Variants in ZNF512 observed in about 807,000 individuals in gnomAD.
The protein encoded by ZNF512 is zinc finger protein 512.
A neutral mutation model predicts 77.5 loss-of-function variants in ZNF512; 25 were observed. The observed-to-expected ratio is 0.32, with a 90% CI of 0.23 to 0.45. The LOEUF (loss-of-function observed/expected upper bound fraction) is 0.45. Among genes scored for constraint, ZNF512 ranks in the 20% least tolerant of loss-of-function variants. The pLI is 1.00. For missense variants in ZNF512, 483 were observed against 692.6 expected, an observed-to-expected ratio of 0.70 and a Z score of 3.40; for synonymous variants, 246 against 239.9, an observed-to-expected ratio of 1.03 and a Z score of -0.24.
intron 1 of ZNF512, 135 bp downstream of exon 1, chr2:27,583,277 C>A: frequency 1.4e-6 from 2 of 1,387,010 alleles, no homozygotes; most frequent in South Asian, 1.2e-5. Flanking sequence ...TAGATCAGAT[C>A]ACCTGTCCCT....
chr2:27,614,023 A>C (rs758493925), intron 10 of ZNF512, among the ~76,000 whole-genome samples: 22 of 152,194 alleles, frequency 1.4e-4, no homozygotes, highest in Non-Finnish European at 2.2e-4. Flanking sequence ...CTAAATGCTT[A>C]TAAATAAAGC....
chr2:27,605,096 G>T (rs1370604675), intron 9 of ZNF512, among the ~76,000 whole-genome samples: 1 of 152,032 alleles, frequency 6.6e-6, no homozygotes, highest in African/African-American at 2.4e-5. Flanking sequence ...CTGCTTACCA[G>T]TTGAAGAACA....
At position 27,622,291 on chromosome 2, in the gene ZNF512, A is replaced by G. The variant is rs1337284399; in HGVS notation, c.*830A>G. 6.6e-6 allele frequency: 1 copy of G among 152,660 alleles called. No individual in the cohort carries two copies. The allele number at this position is 152,660 out of a possible 1,614,324, so 9.5% of individuals were successfully genotyped here. A position where few individuals can be genotyped will look rare whatever the true frequency, so the allele number is the denominator to read the frequency against. ...TGCTTCTTTGGTTTTAAGAATTGAG[A>G]AATATCACATTGCCCCTGATGTTTT... On this transcript the variant is annotated 3_prime_UTR_variant, in exon 14 of 14. Coordinates refer to ENST00000355467, the MANE Select transcript of ZNF512 (RefSeq NM_032434.4).
Position 27,621,162 on chromosome 2 carries a change from G to A in ZNF512, c.1405G>A (p.Val469Ile), listed in dbSNP as rs201647456. 350 of 1,613,598 alleles carry A rather than the reference G, an allele frequency of 2.2e-4. No individual in the cohort carries two copies. The highest frequency in any genetic ancestry group is 3.2e-4 in the Admixed American group (19 of 59,876). Residue 469 changes from valine (V) to isoleucine (I), a missense_variant, in exon 14 of 14, where the codon GTT becomes ATT. Physicochemically the swap from Val to Ile is conservative, Grantham distance 29. Coordinates refer to ENST00000355467, the MANE Select transcript of ZNF512 (RefSeq NM_032434.4). ...INSVHAEDWF[V>I]VNPTTTKSFE... ...TATTTTGCCTCTCTAGGACTGGTTC[G>A]TTGTAAACCCAACAACAACCAAAAG...
intron 2 of ZNF512, among the ~76,000 whole-genome samples, chr2:27,584,695 T>A (rs1346585630): frequency 6.6e-6 from 1 of 152,214 alleles, no homozygotes; most frequent in Admixed American, 6.5e-5. Context: ...TGAGGAATCA[T>A]GCAGTTAGTG....
At chr2:27,617,619 G>C in intron 13 of ZNF512, 48 bp downstream of exon 13, 4 of 795,124 alleles carry the variant, frequency 5.0e-6, no homozygotes, top group Non-Finnish European at 9.2e-6. Context: ...CCACAAGAGA[G>C]GTAGACTTTG....
chr2:27,608,320 T>A (rs1389048555), intron 10 of ZNF512, among the ~76,000 whole-genome samples: 2 of 152,200 alleles, frequency 1.3e-5, no homozygotes, highest in Admixed American at 6.5e-5. Context: ...TGTGTTTTTG[T>A]TTTGCTAGGT....
rs184748992 is a variant in ZNF512, at chr2:27,588,774, G to A, written c.89+5058G>A. 2.7e-5 allele frequency among the ~76,000 whole-genome samples: 4 copies of A among 150,388 alleles called. No individual in the cohort carries two copies. In the East Asian group the frequency reaches 5.8e-4, roughly 22 times the overall value. On this transcript the variant is annotated intron_variant, in intron 2 of 13. Coordinates refer to ENST00000355467, the MANE Select transcript of ZNF512 (RefSeq NM_032434.4). ...AAAAGAAGCTTGCTGAGTATTGATT[G>A]GTATTATATTGAATCTATAGATTCC...
chr2:27,591,711 A>C (rs1018070219), intron 2 of ZNF512, among the ~76,000 whole-genome samples: 3 of 152,156 alleles, frequency 2.0e-5, no homozygotes, highest in Non-Finnish European at 2.9e-5. Context: ...GCCCAGCCTT[A>C]AAATTATTTT....
At chr2:27,592,262 A>G (rs1358983150) in intron 2 of ZNF512, among the ~76,000 whole-genome samples, 1 of 152,060 alleles carries the variant, frequency 6.6e-6, no homozygotes, top group Non-Finnish European at 1.5e-5. Flanking sequence ...AAGTGCTGGG[A>G]TTACAGGCTT....
At chr2:27,616,346 C>G (rs545872867) in intron 12 of ZNF512, 22 bp downstream of exon 12, 1 of 1,591,612 alleles carries the variant, frequency 6.3e-7, no homozygotes, top group African/African-American at 1.3e-5. Flanking sequence ...TTTAAACTTA[C>G]TATCTTAACA....
chr2:27,599,493 T>C (rs1672022703), intron 3 of ZNF512, 90 bp from the exon 4 acceptor site: 4 of 915,638 alleles, frequency 4.4e-6, no homozygotes, highest in Non-Finnish European at 7.0e-6. Context: ...TTCCTTTTGA[T>C]GGTCTTGTGA....
chr2:27,584,455 G>A (rs1671244079), intron 2 of ZNF512, among the ~76,000 whole-genome samples: 2 of 152,242 alleles, frequency 1.3e-5, no homozygotes, highest in Non-Finnish European at 2.9e-5. Flanking sequence ...TCATTCAGGT[G>A]ACATTTACTA....
At chr2:27,584,157 T>G (rs1308775295) in intron 2 of ZNF512, among the ~76,000 whole-genome samples, 5 of 151,910 alleles carry the variant, frequency 3.3e-5, no homozygotes, top group Admixed American at 6.6e-5. Context: ...GGTCTAAGTC[T>G]AGTGTGTGGG....
At chr2:27,613,752 G>A (rs973789110) in intron 10 of ZNF512, among the ~76,000 whole-genome samples, 2 of 151,992 alleles carry the variant, frequency 1.3e-5, no homozygotes, top group Non-Finnish European at 1.5e-5. Context: ...TGTTGTTCAA[G>A]GGTCAACTGT....
chr2:27,614,153 G>T lies in ZNF512; in HGVS notation c.1132-1015G>T, dbSNP rs192375905. ...TTATGGGCTTTGGGTGTGTTTTTTT[G>T]TCGCAGAGAATCAGCTTCTTTTCAG... On this transcript the variant is annotated intron_variant, in intron 10 of 13. Transcript: ENST00000355467. 6.9e-4 allele frequency among the ~76,000 whole-genome samples: 104 copies of T among 151,762 alleles called. 1 individual carries two copies. In the East Asian group the frequency reaches 9.3e-3, roughly 14 times the overall value.
At chr2:27,587,690 A>AT (rs963630234) in intron 2 of ZNF512, among the ~76,000 whole-genome samples, 1 of 107,412 alleles carries the variant, frequency 9.3e-6, no homozygotes, top group Non-Finnish European at 2.1e-5. Flanking sequence ...TTTTTATTTT[A>AT]TTTTTTTTGA....
rs6547734 is a variant in ZNF512, at chr2:27,608,123, G to T, written c.1131+84G>T. The T allele has an allele frequency of 0.52, 660,894 of 1,275,130 alleles. 175,957 individuals are homozygous for T. Among genetic ancestry groups the T allele is most frequent in the East Asian group, 0.86 (32,193 of 37,554 alleles). 79.0% of individuals were successfully genotyped at this position (1,275,130 alleles called of 1,614,324 possible). A position where few individuals can be genotyped will look rare whatever the true frequency, so the allele number is the denominator to read the frequency against. ...ACACAGAGAAGTAAATGCACTTGAG[G>T]AAGTACGTGATAGGCAGTATTTTGT... On this transcript the variant is annotated intron_variant, in intron 10 of 13. Transcript: ENST00000355467.
rs753339684 is a variant in ZNF512 at position 27,621,463 on chromosome 2, C to G, written c.*2C>G. The G allele has an allele frequency of 1.6e-5, 25 of 1,605,420 alleles. No individual in the cohort carries two copies. The highest frequency in any genetic ancestry group is 2.0e-5 in the Non-Finnish European group (23 of 1,178,780). Reference sequence around the variant, plus strand: ...AATCATAAACGAGGAAGGAAATAGGCAGTCAGTGTAAAAGTGCTCCTAGGA... The same window carrying G: ...AATCATAAACGAGGAAGGAAATAGGGAGTCAGTGTAAAAGTGCTCCTAGGA... On this transcript the variant is annotated 3_prime_UTR_variant, in exon 14 of 14. Coordinates refer to ENST00000355467, the MANE Select transcript of ZNF512 (RefSeq NM_032434.4).
Sources: gnomAD v4.1 joint callset for allele counts (sites outside exome capture counted in the v4.1 genomes callset) on GRCh38, gnomAD v4.1.1 for gene constraint, MANE v1.5 for transcripts, NCBI Gene and HGNC (gene_info 2026-07-23, HGNC 2026-07-21) for gene names.